ERC2: variants seen among roughly 807,000 people sequenced by gnomAD.
ERC2 encodes the protein ERC protein 2.
A neutral mutation model predicts 114.8 loss-of-function variants in ERC2; 42 were observed. The ratio of observed to expected loss-of-function variants is 0.37; its 90% CI spans 0.29 to 0.47. ERC2 has a LOEUF of 0.47. Among genes scored for constraint, ERC2 ranks in the 20% least tolerant of loss-of-function variants. The pLI is 0.99. For missense variants in ERC2, 939 were observed against 1,150.7 expected, an observed-to-expected ratio of 0.82 and a Z score of 2.66; for synonymous variants, 454 against 425.5, an observed-to-expected ratio of 1.07 and a Z score of -0.82.
At chr3:56,361,033 T>C (rs1560669712) in intron 2 of ERC2, among the ~76,000 whole-genome samples, 1 of 152,032 alleles carries the variant, frequency 6.6e-6, no homozygotes, top group Non-Finnish European at 1.5e-5. Flanking sequence ...CCTCGCATGT[T>C]GAAGGTGGTA....
chr3:55,548,773 G>A (rs972723837), intron 17 of ERC2, among the ~76,000 whole-genome samples: 2 of 152,120 alleles, frequency 1.3e-5, no homozygotes, highest in East Asian at 1.9e-4. Context: ...CTGTTCACAT[G>A]GGTACCAGGC....
chr3:56,303,724 T>C (rs2056046776), intron 2 of ERC2, among the ~76,000 whole-genome samples: 2 of 152,206 alleles, frequency 1.3e-5, no homozygotes, highest in Admixed American at 6.5e-5. Context: ...TGGGACTCAC[T>C]GAAGCGAGGG....
intron 2 of ERC2, among the ~76,000 whole-genome samples, chr3:56,337,431 G>A (rs1422843052): frequency 6.6e-6 from 1 of 152,188 alleles, no homozygotes; most frequent in Non-Finnish European, 1.5e-5. Flanking sequence ...GTAACCGTAA[G>A]TACTCAACCT....
intron 17 of ERC2, among the ~76,000 whole-genome samples, chr3:55,586,564 T>C (rs1216315902): frequency 1.3e-5 from 2 of 152,228 alleles, no homozygotes; most frequent in Non-Finnish European, 1.5e-5. Context: ...TTTCCAACTG[T>C]TCTTTTAAAG....
At chr3:56,341,667 A>C (rs2058094281) in intron 2 of ERC2, among the ~76,000 whole-genome samples, 1 of 152,018 alleles carries the variant, frequency 6.6e-6, no homozygotes, top group Non-Finnish European at 1.5e-5. Flanking sequence ...ACCAGATATC[A>C]TCCCACTGTG....
intron 2 of ERC2, among the ~76,000 whole-genome samples, chr3:56,406,082 G>A (rs1279675251): frequency 6.6e-6 from 1 of 151,812 alleles, no homozygotes; most frequent in Non-Finnish European, 1.5e-5. Context: ...CAGTAGAGAC[G>A]TGGTTGTGCC....
intron 2 of ERC2, among the ~76,000 whole-genome samples, chr3:56,416,274 T>C (rs776122632): frequency 2.0e-4 from 30 of 152,260 alleles, no homozygotes; most frequent in Non-Finnish European, 3.2e-4. Flanking sequence ...CTCCTGAGGT[T>C]TGAAGAATAG....
rs370890654 is a variant in ERC2 at position 56,188,073 on chromosome 3, G to A, written c.1075-14553C>T. On this transcript the variant is annotated intron_variant, in intron 3 of 17. Coordinates refer to ENST00000288221, the MANE Select transcript of ERC2 (RefSeq NM_015576.3). ...CTGATTAATAGGGTGACAGGGGGAGGAAAGGGCCTGTCATCCATCCACTAA... is the reference window on the plus strand; with the variant it reads ...CTGATTAATAGGGTGACAGGGGGAGAAAAGGGCCTGTCATCCATCCACTAA... Among the ~76,000 whole-genome samples, 10 of 152,256 alleles carry A rather than the reference G, an allele frequency of 6.6e-5. No homozygotes were observed. The East Asian group carries it at 1.2e-3, about 18-fold the overall frequency.
At chr3:56,358,514 C>A (rs2058828290) in intron 2 of ERC2, among the ~76,000 whole-genome samples, 2 of 152,234 alleles carry the variant, frequency 1.3e-5, no homozygotes, top group Non-Finnish European at 2.9e-5. Context: ...AAGCCTACTT[C>A]AATCTAGCTT....
intron 6 of ERC2, among the ~76,000 whole-genome samples, chr3:56,099,438 G>A (rs895450261): frequency 2.0e-5 from 3 of 152,154 alleles, no homozygotes; most frequent in South Asian, 2.1e-4. Context: ...ATGAAACACC[G>A]TCCCTGCATT....
At chr3:55,834,492 AC>A (rs1191817792) in intron 14 of ERC2, among the ~76,000 whole-genome samples, 2 of 152,090 alleles carry the variant, frequency 1.3e-5, no homozygotes, top group Admixed American at 6.5e-5. Context: ...AAACTCAAAA[AC>A]CTGCTCCTGA....
At chr3:55,948,660 G>A (rs2067285478) in intron 13 of ERC2, among the ~76,000 whole-genome samples, 1 of 152,184 alleles carries the variant, frequency 6.6e-6, no homozygotes, top group African/African-American at 2.4e-5. Flanking sequence ...GAGGTTATGA[G>A]GTAGTTATCA....
intron 14 of ERC2, among the ~76,000 whole-genome samples, chr3:55,887,192 C>CT (rs2063387706): frequency 6.6e-6 from 1 of 152,088 alleles, no homozygotes; most frequent in Non-Finnish European, 1.5e-5. Context: ...CACCTCTGAA[C>CT]TGAGTATAAT....
At chr3:55,793,768 T>G (rs1412001184) in intron 14 of ERC2, among the ~76,000 whole-genome samples, 3 of 152,184 alleles carry the variant, frequency 2.0e-5, no homozygotes, top group African/African-American at 7.2e-5. Context: ...TCAAGTTACT[T>G]AAAACCTCAG....
chr3:56,006,841 C>T (rs992301611), intron 10 of ERC2, among the ~76,000 whole-genome samples: 4 of 152,006 alleles, frequency 2.6e-5, no homozygotes, highest in East Asian at 1.9e-4. Flanking sequence ...ATGTGGCTTC[C>T]GGATTCTGTG....
At chr3:55,964,984 G>T (rs961440071) in intron 12 of ERC2, among the ~76,000 whole-genome samples, 3 of 152,184 alleles carry the variant, frequency 2.0e-5, no homozygotes, top group African/African-American at 7.2e-5. Flanking sequence ...GCTAGCAGGA[G>T]AATCTCCACT....
intron 13 of ERC2, among the ~76,000 whole-genome samples, chr3:55,931,837 C>T (rs1410965102): frequency 2.6e-5 from 4 of 152,034 alleles, no homozygotes; most frequent in Non-Finnish European, 4.4e-5. Context: ...GTTCTAGGTC[C>T]TTACATGAGT....
chr3:55,588,447 C>T (rs2057705064), intron 17 of ERC2, among the ~76,000 whole-genome samples: 1 of 152,168 alleles, frequency 6.6e-6, no homozygotes, highest in Non-Finnish European at 1.5e-5. Flanking sequence ...TCCACTTAGG[C>T]CCCGGTAAGC....
At chr3:56,186,497 G>C (rs1162086517) in intron 3 of ERC2, among the ~76,000 whole-genome samples, 1 of 151,866 alleles carries the variant, frequency 6.6e-6, no homozygotes, top group Non-Finnish European at 1.5e-5. Context: ...CTTACTACAG[G>C]GTCCTTTTGT....
Sources: gnomAD v4.1 joint callset for allele counts (sites outside exome capture counted in the v4.1 genomes callset) on GRCh38, gnomAD v4.1.1 for gene constraint, MANE v1.5 for transcripts, NCBI Gene and HGNC (gene_info 2026-07-23, HGNC 2026-07-21) for gene names.